Variants in SRFBP1 observed in about 807,000 individuals in gnomAD.
SRFBP1 encodes the protein serum response factor binding protein 1, also known as serum response factor-binding protein 1.
A neutral mutation model predicts 45.5 loss-of-function variants in SRFBP1; 47 were observed. That is an observed-to-expected ratio of 1.03 (90% CI 0.82 to 1.32). SRFBP1 has a LOEUF of 1.32. Ranked by LOEUF, SRFBP1 falls within the 40% of genes most tolerant of loss-of-function variation. SRFBP1 has a pLI of 0.00. For missense variants in SRFBP1, 621 were observed against 484.6 expected (o/e 1.28, Z -2.64); for synonymous variants, 203 against 166.3 (o/e 1.22, Z -1.70).
At chr5:122,030,965 C>A (rs142302601), downstream of SRFBP1, among the ~76,000 whole-genome samples, 3 of 152,194 alleles carry the variant, frequency 2.0e-5, no homozygotes, top group East Asian at 5.8e-4. Context: ...TGTGTGCATA[C>A]TCAGGAAAAA....
At chr5:121,968,739 T>A (rs990768107) in intron 1 of SRFBP1, among the ~76,000 whole-genome samples, 4 of 152,166 alleles carry the variant, frequency 2.6e-5, no homozygotes, top group Non-Finnish European at 5.9e-5. Context: ...GTAAATCAGT[T>A]TGCATTTCTA....
chr5:121,980,933 A>G (rs1026632311), intron 3 of SRFBP1, among the ~76,000 whole-genome samples: 1 of 152,098 alleles, frequency 6.6e-6, no homozygotes, highest in African/African-American at 2.4e-5. Context: ...TTTCAGGGGT[A>G]GCTCTGCCAC....
At chr5:122,030,464 C>T (rs750370024), downstream of SRFBP1, among the ~76,000 whole-genome samples, 1 of 152,160 alleles carries the variant, frequency 6.6e-6, no homozygotes, top group Non-Finnish European at 1.5e-5. Flanking sequence ...TCCCTGAGTA[C>T]TGTCATTATT....
intron 2 of SRFBP1, among the ~76,000 whole-genome samples, chr5:122,058,732 G>A (rs370970911): frequency 2.6e-5 from 4 of 152,046 alleles, no homozygotes; most frequent in African/African-American, 7.2e-5. Flanking sequence ...TAGAAATTTG[G>A]CCTCTCATGT....
At chr5:122,046,237 C>T (rs975496716) in intron 2 of SRFBP1, among the ~76,000 whole-genome samples, 1 of 152,058 alleles carries the variant, frequency 6.6e-6, no homozygotes, top group African/African-American at 2.4e-5. Context: ...TGATGTTCCC[C>T]TTCCTGTGTC....
At position 122,049,641 on chromosome 5, in the gene SRFBP1, G is replaced by A. The variant is rs930209664; in HGVS notation, n.312-25674G>A. Among the ~76,000 whole-genome samples the A allele has an allele frequency of 7.9e-5, 12 of 152,104 alleles. No homozygotes were observed. In the South Asian group the frequency reaches 1.2e-3, roughly 16 times the overall value. ...ACATTTGGAAGTAAAGCACTCCCCA[G>A]CAAATGTAAAAGAACAGAAATTATA... On this transcript the variant is annotated intron_variant and non_coding_transcript_variant, in intron 2 of 2. Coordinates refer to the SRFBP1 transcript ENST00000504881.
chr5:122,075,677 C>T (rs544316639), downstream of SRFBP1: 348 of 553,390 alleles, frequency 6.3e-4, 2 homozygotes, highest in African/African-American at 6.0e-3. Context: ...GAGTCTAAGG[C>T]ATTTTGTTTC....
At chr5:121,971,849 T>A (rs1295547277) in intron 1 of SRFBP1, among the ~76,000 whole-genome samples, 1 of 152,012 alleles carries the variant, frequency 6.6e-6, no homozygotes, top group Non-Finnish European at 1.5e-5. Context: ...TGGTCAAAAA[T>A]GTCAAATTTC....
At chr5:121,979,484 A>G (rs922539510) in intron 3 of SRFBP1, among the ~76,000 whole-genome samples, 2 of 152,190 alleles carry the variant, frequency 1.3e-5, no homozygotes, top group African/African-American at 4.8e-5. Context: ...TAGCTATGTC[A>G]ACTTAACATT....
rs139577749 is a variant in SRFBP1, at chr5:122,022,332, A to G, written c.1068-38A>G. 8.1e-3 allele frequency: 12,567 copies of G among 1,555,124 alleles called. 63 individuals are homozygous for G. Among genetic ancestry groups the G allele is most frequent in the Non-Finnish European group, 9.1e-3 (10,355 of 1,137,654 alleles). Reference sequence around the variant, plus strand: ...TTTTTTTCTTAAGATCAGAGGATTTATCTTTAAAAAGTCATAATGGTGTTT... The same window carrying G: ...TTTTTTTCTTAAGATCAGAGGATTTGTCTTTAAAAAGTCATAATGGTGTTT... On this transcript the variant is annotated intron_variant, in intron 6 of 7. Transcript: ENST00000339397.
chr5:122,044,989 T>C (rs1021619536), intron 2 of SRFBP1, among the ~76,000 whole-genome samples: 2 of 152,190 alleles, frequency 1.3e-5, no homozygotes, highest in African/African-American at 4.8e-5. Flanking sequence ...TTTATAGTTT[T>C]AGTTTTTACA....
downstream of SRFBP1, among the ~76,000 whole-genome samples, chr5:122,030,008 A>G (rs895465895): frequency 4.6e-5 from 7 of 152,220 alleles, no homozygotes; most frequent in Non-Finnish European, 8.8e-5. Flanking sequence ...TAGAATACAT[A>G]CACAAGCTAG....
intron 2 of SRFBP1, among the ~76,000 whole-genome samples, chr5:122,037,126 G>A (rs1318073872): frequency 2.6e-5 from 4 of 152,208 alleles, no homozygotes; most frequent in South Asian, 4.1e-4. Context: ...TCCAACTCCC[G>A]ACCTCAGGTG....
rs1240048813 is a variant in SRFBP1, at chr5:122,033,819, GTT to G, written n.311+11433_311+11434del. Among the ~76,000 whole-genome samples the G allele has an allele frequency of 2.0e-3, 226 of 114,468 alleles. 3 individuals are homozygous for G. Among genetic ancestry groups the G allele is most frequent in the African/African-American group, 7.7e-3 (210 of 27,298 alleles). 75.1% of individuals were successfully genotyped at this position (114,468 alleles called of 152,430 possible). On this transcript the variant is annotated intron_variant and non_coding_transcript_variant, in intron 2 of 2. Transcript: ENST00000504881. ...GACCTTAGATATTCTTTTATTTTCA[GTT>G]TTTTTTTTTTTTTTTTTTTTGAGAC...
At chr5:122,032,687 T>C (rs73285760), downstream of SRFBP1, among the ~76,000 whole-genome samples, 200 of 152,342 alleles carry the variant, frequency 1.3e-3, 1 homozygote, top group African/African-American at 4.6e-3. Flanking sequence ...TCTATGGGTA[T>C]GTGGATTATT....
chr5:121,978,799 A>G (rs1475686695), intron 3 of SRFBP1, among the ~76,000 whole-genome samples: 7 of 152,100 alleles, frequency 4.6e-5, no homozygotes, highest in Non-Finnish European at 1.0e-4. Context: ...GCCTATCTGT[A>G]TTCTTTTTTA....
chr5:122,078,228 G>C (rs2956539), downstream of SRFBP1: 3 of 411,828 alleles, frequency 7.3e-6, no homozygotes, highest in Non-Finnish European at 1.3e-5. Context: ...AACGGGGAGC[G>C]GCGCGGCAGT....
intron 2 of SRFBP1, among the ~76,000 whole-genome samples, chr5:122,062,886 G>A (rs1754197128): frequency 6.6e-6 from 1 of 151,964 alleles, no homozygotes; most frequent in Non-Finnish European, 1.5e-5. Flanking sequence ...GTATGTGTGT[G>A]TTTATATCTA....
intron 7 of SRFBP1, among the ~76,000 whole-genome samples, chr5:122,026,293 CA>C (rs942270177): frequency 2.0e-5 from 3 of 152,134 alleles, no homozygotes; most frequent in Admixed American, 6.5e-5. Flanking sequence ...AGACTTGGTT[CA>C]AAATCATGTA....
Sources: allele counts gnomAD v4.1 joint callset (sites outside exome capture counted in the v4.1 genomes callset), GRCh38; gene constraint gnomAD v4.1.1; transcripts MANE v1.5; gene names NCBI Gene and HGNC (gene_info 2026-07-23, HGNC 2026-07-21).